Variants in GPR158 observed in about 807,000 individuals in gnomAD.
GPR158 encodes the protein G protein-coupled receptor 158, also known as metabotropic glycine receptor.
A neutral mutation model predicts 78.2 loss-of-function variants in GPR158; 30 were observed. The ratio of observed to expected loss-of-function variants is 0.38; its 90% confidence interval spans 0.29 to 0.52. GPR158 has a LOEUF of 0.52. Among genes scored for constraint, GPR158 ranks in the 20% least tolerant of loss-of-function variants. The pLI is 0.83. For missense variants in GPR158, 1,463 were observed against 1,523.5 expected (o/e 0.96, Z 0.66); for synonymous variants, 581 against 591.1 (o/e 0.98, Z 0.25).
chr10:25,464,103 T>C (rs1835392364), intron 4 of GPR158, among the ~76,000 whole-genome samples: 1 of 152,196 alleles, frequency 6.6e-6, no homozygotes, highest in Admixed American at 6.5e-5. Flanking sequence ...AATCTGAAAT[T>C]ATGGGCTCCT....
At chr10:25,368,936 G>T (rs369564736) in intron 2 of GPR158, among the ~76,000 whole-genome samples, 43 of 126,524 alleles carry the variant, frequency 3.4e-4, no homozygotes, top group Middle Eastern at 3.8e-3. Flanking sequence ...GAAGCAATTG[G>T]GAATGGGAGT....
At chr10:25,310,822 A>G (rs1854753347) in intron 2 of GPR158, among the ~76,000 whole-genome samples, 1 of 151,970 alleles carries the variant, frequency 6.6e-6, no homozygotes, top group Non-Finnish European at 1.5e-5. Context: ...GAATTTATTA[A>G]TATTTTTTCT....
intron 2 of GPR158, among the ~76,000 whole-genome samples, chr10:25,258,137 T>A (rs2049196196): frequency 6.6e-6 from 1 of 152,184 alleles, no homozygotes; most frequent in African/African-American, 2.4e-5. Flanking sequence ...AAGGGAAACA[T>A]GTAAGCCATT....
intron 2 of GPR158, among the ~76,000 whole-genome samples, chr10:25,279,023 T>C (rs1029090947): frequency 1.3e-5 from 2 of 152,084 alleles, no homozygotes; most frequent in Non-Finnish European, 2.9e-5. Context: ...TAATAATGCA[T>C]AATATGTGAT....
intron 5 of GPR158, among the ~76,000 whole-genome samples, chr10:25,470,897 C>T (rs749382217): frequency 2.0e-5 from 3 of 152,060 alleles, no homozygotes; most frequent in Non-Finnish European, 2.9e-5. Flanking sequence ...CAATTTTCCA[C>T]CCAGTAGCCA....
At chr10:25,323,650 A>T (rs1854987509) in intron 2 of GPR158, among the ~76,000 whole-genome samples, 1 of 150,866 alleles carries the variant, frequency 6.6e-6, no homozygotes. Context: ...AGCAGCTAGT[A>T]CTGTAGGTGT....
At chr10:25,205,347 A>G (rs1436693905) in intron 1 of GPR158, among the ~76,000 whole-genome samples, 2 of 134,460 alleles carry the variant, frequency 1.5e-5, no homozygotes, top group Non-Finnish European at 1.6e-5. Flanking sequence ...TCCTGGATTC[A>G]TTGATCTTTT....
At chr10:25,441,196 A>G (rs775798518) in intron 4 of GPR158, among the ~76,000 whole-genome samples, 5 of 152,068 alleles carry the variant, frequency 3.3e-5, no homozygotes, top group African/African-American at 4.8e-5. Flanking sequence ...TTCTCTTCCT[A>G]TTAACTCTTC....
chr10:25,538,653 G>C (rs892155153), intron 5 of GPR158, among the ~76,000 whole-genome samples: 1 of 152,132 alleles, frequency 6.6e-6, no homozygotes, highest in African/African-American at 2.4e-5. Context: ...GGGACTGCAG[G>C]CATGTGTCAC....
chr10:25,464,650 A>AGATG (rs1220426036), intron 4 of GPR158, among the ~76,000 whole-genome samples: 3 of 152,204 alleles, frequency 2.0e-5, no homozygotes, highest in African/African-American at 7.2e-5. Flanking sequence ...ATTCAAATTG[A>AGATG]GATGGAGTTA....
At chr10:25,248,393 C>A (rs1853734115) in intron 2 of GPR158, among the ~76,000 whole-genome samples, 1 of 152,100 alleles carries the variant, frequency 6.6e-6, no homozygotes, top group Non-Finnish European at 1.5e-5. Context: ...CTTGCCCATG[C>A]CTATGTCCTG....
rs558681307 is a variant in GPR158 at position 25,572,845 on chromosome 10, A to C, written c.1711A>C (p.Asn571His). The C allele has an allele frequency of 1.2e-6, 2 of 1,613,212 alleles. No individual in the cohort carries two copies. Among genetic ancestry groups the C allele is most frequent in the East Asian group, 4.5e-5 (2 of 44,864 alleles). The stretch of plus-strand genomic sequence containing the variant: ...GAAAACATCCGATCACCTCATCTTC[A>C]ATATGTGCCTCATTGACCGCTGGGA... Reference protein sequence around the residue: ...QGKTSDHLIFNMCLIDRWDYM... With the variant: ...QGKTSDHLIFHMCLIDRWDYM... The change falls in exon 7 of 11, where the codon AAT (asparagine) becomes CAT (histidine). Residue 571 changes from asparagine to histidine, a missense_variant. Asn to His is a moderately conservative substitution (Grantham distance 68). Transcript: ENST00000376351.
At chr10:25,207,581 C>T (rs531961997) in intron 1 of GPR158, among the ~76,000 whole-genome samples, 3 of 152,160 alleles carry the variant, frequency 2.0e-5, no homozygotes, top group South Asian at 2.1e-4. Flanking sequence ...CTGTGAGAAT[C>T]GAATGCCACC....
chr10:25,524,809 A>G (rs1220642720), intron 5 of GPR158, among the ~76,000 whole-genome samples: 2 of 152,242 alleles, frequency 1.3e-5, no homozygotes, highest in South Asian at 2.1e-4. Context: ...GTCAAAAACT[A>G]TGTTGCAAGT....
chr10:25,238,391 T>A (rs1853556765), intron 2 of GPR158, among the ~76,000 whole-genome samples: 1 of 152,232 alleles, frequency 6.6e-6, no homozygotes, highest in Non-Finnish European at 1.5e-5. Flanking sequence ...ACAGTATGAT[T>A]GTAATGTTAA....
At chr10:25,371,945 G>A (rs11014516) in intron 2 of GPR158, among the ~76,000 whole-genome samples, 2,138 of 148,430 alleles carry the variant, frequency 0.014, 53 homozygotes, top group African/African-American at 0.051. Context: ...GAAAATTTTC[G>A]CAACCTACTC....
chr10:25,299,606 G>A (rs1411535858), intron 2 of GPR158, among the ~76,000 whole-genome samples: 1 of 151,870 alleles, frequency 6.6e-6, no homozygotes, highest in African/African-American at 2.4e-5. Flanking sequence ...TCCATTTTGT[G>A]TATATACCAC....
At chr10:25,565,470 G>C (rs948064243) in intron 6 of GPR158, among the ~76,000 whole-genome samples, 4 of 151,996 alleles carry the variant, frequency 2.6e-5, no homozygotes, top group African/African-American at 7.3e-5. Flanking sequence ...GAGCATATAG[G>C]AAAGTAGAGG....
At chr10:25,506,472 A>C (rs569261610) in intron 5 of GPR158, among the ~76,000 whole-genome samples, 1 of 152,344 alleles carries the variant, frequency 6.6e-6, no homozygotes, top group African/African-American at 2.4e-5. Flanking sequence ...TAAGTAAAGA[A>C]GAAAGTCATC....
Sources: allele counts gnomAD v4.1 joint callset (sites outside exome capture counted in the v4.1 genomes callset), GRCh38; gene constraint gnomAD v4.1.1; transcripts MANE v1.5; gene names NCBI Gene and HGNC (gene_info 2026-07-23, HGNC 2026-07-21).